CHCHD3: variants seen among roughly 807,000 people sequenced by gnomAD.
CHCHD3 encodes the protein coiled-coil-helix-coiled-coil-helix domain containing 3.
Under a neutral mutation model 38.2 loss-of-function variants are expected in CHCHD3, and 20 were observed. That is an observed-to-expected ratio of 0.52 (90% CI 0.37 to 0.76). The LOEUF is 0.76. CHCHD3 is among the 30% of genes least tolerant of loss of function. The pLI is 0.00. For synonymous variants in CHCHD3, 82 were observed against 100.0 expected (o/e 0.82, Z 1.07); for missense variants, 245 against 279.2 (o/e 0.88, Z 0.87).
At chr7:132,858,990 G>C (rs1489264869) in intron 5 of CHCHD3, among the ~76,000 whole-genome samples, 1 of 152,138 alleles carries the variant, frequency 6.6e-6, no homozygotes, top group East Asian at 1.9e-4. Flanking sequence ...CTGTGGCACT[G>C]CCAGGGTCAA....
At chr7:132,900,329 T>A (rs1809634782) in intron 4 of CHCHD3, among the ~76,000 whole-genome samples, 1 of 58,224 alleles carries the variant, frequency 1.7e-5, no homozygotes, top group African/African-American at 7.0e-5. Context: ...CTGCCCAAGG[T>A]GATGGAGGGA....
At chr7:132,934,993 G>C (rs894327706) in intron 4 of CHCHD3, among the ~76,000 whole-genome samples, 2 of 152,092 alleles carry the variant, frequency 1.3e-5, no homozygotes, top group Non-Finnish European at 2.9e-5. Flanking sequence ...TGGAATAAAA[G>C]AGCTTTATAA....
chr7:132,791,818 T>A (rs986011265), intron 7 of CHCHD3, among the ~76,000 whole-genome samples: 1 of 152,176 alleles, frequency 6.6e-6, no homozygotes, highest in Admixed American at 6.6e-5. Context: ...AGCCTTAAGT[T>A]GGAGAGCTGT....
chr7:133,033,076 C>T (rs541991843), intron 2 of CHCHD3, among the ~76,000 whole-genome samples: 85 of 152,020 alleles, frequency 5.6e-4, no homozygotes, highest in Non-Finnish European at 1.2e-3. Context: ...AAAATAATGG[C>T]ATCTCATTAT....
chr7:132,878,177 T>A (rs777278269), intron 5 of CHCHD3, among the ~76,000 whole-genome samples: 4 of 152,206 alleles, frequency 2.6e-5, no homozygotes, highest in Non-Finnish European at 5.9e-5. Flanking sequence ...ACTGAAATAT[T>A]TTACAATGAC....
chr7:132,954,200 G>A (rs1329235078), intron 4 of CHCHD3, among the ~76,000 whole-genome samples: 2 of 151,986 alleles, frequency 1.3e-5, no homozygotes, highest in Non-Finnish European at 2.9e-5. Flanking sequence ...GGTGTATATG[G>A]CAGCCACTCT....
At chr7:132,919,763 G>A (rs528288950) in intron 4 of CHCHD3, among the ~76,000 whole-genome samples, 9 of 152,114 alleles carry the variant, frequency 5.9e-5, no homozygotes, top group Non-Finnish European at 7.3e-5. Context: ...CAGCTTTGGC[G>A]ACTGTGCTCC....
chr7:133,053,350 T>C (rs1442929030), intron 2 of CHCHD3, among the ~76,000 whole-genome samples: 1 of 152,148 alleles, frequency 6.6e-6, no homozygotes, highest in Non-Finnish European at 1.5e-5. Context: ...ATGGGGACTA[T>C]TTGCAACACT....
At chr7:132,811,951 T>C (rs773491185) in intron 6 of CHCHD3, among the ~76,000 whole-genome samples, 2 of 152,166 alleles carry the variant, frequency 1.3e-5, no homozygotes, top group Non-Finnish European at 2.9e-5. Flanking sequence ...AGCCCTCTTA[T>C]AGGTGACTGA....
chr7:132,884,361 C>T (rs1199700498), intron 5 of CHCHD3, among the ~76,000 whole-genome samples: 1 of 152,146 alleles, frequency 6.6e-6, no homozygotes, highest in African/African-American at 2.4e-5. Context: ...TCATAACCTG[C>T]CATACAATAT....
chr7:132,952,959 C>G (rs1811066131), intron 4 of CHCHD3, among the ~76,000 whole-genome samples: 1 of 152,204 alleles, frequency 6.6e-6, no homozygotes, highest in Admixed American at 6.5e-5. Context: ...TTACTTATTT[C>G]AGAACCATGT....
At chr7:133,077,504 T>C (rs1260680623) in intron 1 of CHCHD3, among the ~76,000 whole-genome samples, 1 of 152,262 alleles carries the variant, frequency 6.6e-6, no homozygotes, top group Non-Finnish European at 1.5e-5. Flanking sequence ...GCTGCGGACA[T>C]TCGTTTATGT....
chr7:133,002,477 T>C (rs555760254), intron 3 of CHCHD3, among the ~76,000 whole-genome samples: 296 of 152,216 alleles, frequency 1.9e-3, no homozygotes, highest in Non-Finnish European at 3.2e-3. Flanking sequence ...TATTTGCTAA[T>C]GGTAGAAATC....
intron 6 of CHCHD3, among the ~76,000 whole-genome samples, chr7:132,800,600 G>T (rs1414471505): frequency 1.3e-5 from 2 of 152,136 alleles, no homozygotes; most frequent in Non-Finnish European, 2.9e-5. Flanking sequence ...TCTCCACTCA[G>T]AAGGCTAAAA....
intron 3 of CHCHD3, among the ~76,000 whole-genome samples, chr7:132,985,826 A>T (rs1215007854): frequency 8.6e-6 from 1 of 116,282 alleles, no homozygotes; most frequent in African/African-American, 3.2e-5. Context: ...CCGGGAGGTG[A>T]GGGGCGCCTC....
chr7:132,804,690 T>C (rs1313780260), intron 6 of CHCHD3, among the ~76,000 whole-genome samples: 1 of 152,238 alleles, frequency 6.6e-6, no homozygotes, highest in Non-Finnish European at 1.5e-5. Flanking sequence ...TGAGAGAGCG[T>C]GTTACATTAC....
chr7:132,892,654 G>T (rs1469702669), intron 4 of CHCHD3, among the ~76,000 whole-genome samples: 1 of 152,124 alleles, frequency 6.6e-6, no homozygotes, highest in African/African-American at 2.4e-5. Context: ...AAGGAAAAAC[G>T]GTTGCCTGGA....
intron 6 of CHCHD3, among the ~76,000 whole-genome samples, chr7:132,810,166 A>T (rs1008472764): frequency 6.6e-6 from 1 of 152,230 alleles, no homozygotes; most frequent in African/African-American, 2.4e-5. Context: ...TTCTTAGAAA[A>T]TAAGTGCAGC....
intron 1 of CHCHD3, among the ~76,000 whole-genome samples, chr7:133,074,220 C>T (rs995615506): frequency 1.3e-5 from 2 of 152,178 alleles, no homozygotes; most frequent in African/African-American, 4.8e-5. Context: ...CTAATCAAGG[C>T]CCTGTGATAC....
Sources: gnomAD v4.1 joint callset for allele counts (sites outside exome capture counted in the v4.1 genomes callset) on GRCh38, gnomAD v4.1.1 for gene constraint, MANE v1.5 for transcripts, NCBI Gene and HGNC (gene_info 2026-07-23, HGNC 2026-07-21) for gene names.